The following TMTC2 variants were observed in gnomAD, a reference collection of about 807,000 sequenced individuals.
TMTC2 encodes the protein protein O-mannosyl-transferase TMTC2.
TMTC2 carries 43 observed loss-of-function variants against 82.4 expected under a neutral mutation model. That is an observed-to-expected ratio of 0.52 (90% CI 0.41 to 0.67). The LOEUF is 0.67. Among genes scored for constraint, TMTC2 ranks in the 30% least tolerant of loss-of-function variants. The pLI is 0.00. For synonymous variants in TMTC2, 408 were observed against 381.9 expected (o/e 1.07, Z -0.80); for missense variants, 919 against 1,012.4 (o/e 0.91, Z 1.25).
At chr12:83,124,789 T>C (rs1885055890) in intron 11 of TMTC2, among the ~76,000 whole-genome samples, 2 of 152,072 alleles carry the variant, frequency 1.3e-5, no homozygotes, top group Non-Finnish European at 2.9e-5. Flanking sequence ...TCTATAGTCA[T>C]AAATCAAAAC....
intron 7 of TMTC2, among the ~76,000 whole-genome samples, chr12:82,980,572 G>T (rs1304590598): frequency 6.6e-6 from 1 of 150,820 alleles, no homozygotes; most frequent in Admixed American, 6.6e-5. Flanking sequence ...AATCAGTTGG[G>T]ACCATTTTGT....
At chr12:82,748,399 C>G (rs1875800880) in intron 1 of TMTC2, among the ~76,000 whole-genome samples, 1 of 152,142 alleles carries the variant, frequency 6.6e-6, no homozygotes, top group Non-Finnish European at 1.5e-5. Context: ...TAGTTAAATA[C>G]AGTATGCGCT....
chr12:82,917,968 A>C (rs2137222490), intron 3 of TMTC2, among the ~76,000 whole-genome samples: 1 of 152,154 alleles, frequency 6.6e-6, no homozygotes, highest in East Asian at 1.9e-4. Context: ...TGCCATCACA[A>C]ATCACTGTAG....
intron 1 of TMTC2, among the ~76,000 whole-genome samples, chr12:82,779,280 G>C (rs11115419): frequency 0.015 from 2,261 of 152,094 alleles, 68 homozygotes; most frequent in African/African-American, 0.052. Flanking sequence ...AGAGGCTGAT[G>C]GGCTTGCCGA....
In TMTC2 at chr12:83,133,513, C is replaced by T. The variant is rs1032758985; in HGVS notation, c.*1124C>T. On this transcript the variant is annotated 3_prime_UTR_variant, in exon 12 of 12. Transcript: ENST00000321196. ...TGTTCTTCTCAAAAGGCATCAAAAA[C>T]AACTTATTTGAAGCTGCAATAGAGT... 6.6e-6 allele frequency: 1 copy of T among 152,178 alleles called. No homozygotes were observed. The highest frequency in any genetic ancestry group is 1.5e-5 in the Non-Finnish European group (1 of 68,026). 9.4% of individuals were successfully genotyped at this position (152,178 alleles called of 1,614,324 possible).
At chr12:82,900,905 G>A (rs1230493452) in intron 3 of TMTC2, among the ~76,000 whole-genome samples, 1 of 100,922 alleles carries the variant, frequency 9.9e-6, no homozygotes, top group Non-Finnish European at 1.8e-5. Context: ...TATATATATA[G>A]GAATATATAT....
chr12:83,132,127 A>G (rs1193220623), intron 11 of TMTC2, 83 bp from the exon 12 acceptor site: 13 of 1,469,974 alleles, frequency 8.8e-6, no homozygotes, highest in African/African-American at 1.4e-5. Context: ...AATTATTTGC[A>G]TAAGTGGATG....
rs1169333749 is a variant in TMTC2, at chr12:83,134,712, C to T, written c.*2323C>T. 1 of 152,088 alleles carries T rather than the reference C, an allele frequency of 6.6e-6. No homozygotes were observed. The highest frequency in any genetic ancestry group is 2.4e-5 in the African/African-American group (1 of 41,428). The allele number at this position is 152,088 out of a possible 1,614,324, so 9.4% of individuals were successfully genotyped here. Reference sequence around the variant, plus strand: ...TGCAGACAGTGCTAAAAATATAGAGCACAAGACAAGTTTACTAAATTAAAA... The same window carrying T: ...TGCAGACAGTGCTAAAAATATAGAGTACAAGACAAGTTTACTAAATTAAAA... On this transcript the variant is annotated 3_prime_UTR_variant, in exon 12 of 12. Transcript: ENST00000321196.
At chr12:82,795,311 C>CAAAAA (rs35485888) in intron 1 of TMTC2, among the ~76,000 whole-genome samples, 1 of 94,880 alleles carries the variant, frequency 1.1e-5, no homozygotes, top group Non-Finnish European at 2.2e-5. Context: ...GATTCCATCT[C>CAAAAA]AAAAAAAAAA....
intron 2 of TMTC2, among the ~76,000 whole-genome samples, chr12:82,870,236 T>A (rs1456989433): frequency 1.3e-5 from 2 of 152,142 alleles, no homozygotes; most frequent in African/African-American, 4.8e-5. Context: ...GGTTCCTCCT[T>A]CCCTCCCACC....
At chr12:82,930,072 C>G (rs1329362516) in intron 3 of TMTC2, among the ~76,000 whole-genome samples, 1 of 151,948 alleles carries the variant, frequency 6.6e-6, no homozygotes, top group Non-Finnish European at 1.5e-5. Flanking sequence ...AAGATCATTT[C>G]TTGCAGTTTC....
chr12:82,976,926 G>A (rs1878701043), intron 7 of TMTC2, among the ~76,000 whole-genome samples: 1 of 152,000 alleles, frequency 6.6e-6, no homozygotes, highest in African/African-American at 2.4e-5. Flanking sequence ...GATACATAAT[G>A]TGATCAGGTA....
At chr12:82,816,745 A>C (rs1868755571) in intron 1 of TMTC2, among the ~76,000 whole-genome samples, 2 of 152,110 alleles carry the variant, frequency 1.3e-5, no homozygotes. Context: ...CTTACAAGAT[A>C]ATAAACTTCC....
intron 11 of TMTC2, among the ~76,000 whole-genome samples, chr12:83,105,246 A>C (rs2137538126): frequency 6.6e-6 from 1 of 151,694 alleles, no homozygotes; most frequent in South Asian, 2.1e-4. Flanking sequence ...AGTCCTCCAA[A>C]CTCTTCCAAC....
chr12:83,131,283 A>G (rs555944981), intron 11 of TMTC2, among the ~76,000 whole-genome samples: 1 of 152,342 alleles, frequency 6.6e-6, no homozygotes, highest in Non-Finnish European at 1.5e-5. Flanking sequence ...ATTTATAAAG[A>G]GCAAGCAAAA....
intron 2 of TMTC2, among the ~76,000 whole-genome samples, chr12:82,866,225 G>T (rs1167068590): frequency 7.0e-6 from 1 of 143,798 alleles, no homozygotes; most frequent in Non-Finnish European, 1.5e-5. Context: ...GAATCCAGGA[G>T]CTGGTTTTTT....
intron 1 of TMTC2, among the ~76,000 whole-genome samples, chr12:82,790,526 G>A (rs1878416722): frequency 6.6e-6 from 1 of 152,050 alleles, no homozygotes; most frequent in African/African-American, 2.4e-5. Flanking sequence ...GACTCAATGT[G>A]TTTGAAAAAT....
At chr12:83,019,165 A>G (rs1592697520) in intron 8 of TMTC2, among the ~76,000 whole-genome samples, 1 of 152,180 alleles carries the variant, frequency 6.6e-6, no homozygotes, top group South Asian at 2.1e-4. Flanking sequence ...AACTAAAAAA[A>G]AAAAACATAC....
intron 9 of TMTC2, among the ~76,000 whole-genome samples, chr12:83,049,210 A>G (rs962711124): frequency 1.4e-4 from 22 of 152,048 alleles, no homozygotes; most frequent in Admixed American, 6.6e-4. Context: ...CAGGTTTGCT[A>G]TGTAGGTAAA....
Sources: gnomAD v4.1 joint callset for allele counts (sites outside exome capture counted in the v4.1 genomes callset) on GRCh38, gnomAD v4.1.1 for gene constraint, MANE v1.5 for transcripts, NCBI Gene and HGNC (gene_info 2026-07-23, HGNC 2026-07-21) for gene names.